Variants in MYO3B observed in about 807,000 individuals in gnomAD.
The protein encoded by MYO3B is myosin IIIB.
Under a neutral mutation model 174.6 loss-of-function variants are expected in MYO3B, and 156 were observed. That is an observed-to-expected ratio of 0.89 (90% CI 0.78 to 1.02). The LOEUF is 1.02. MYO3B is among the 50% of genes least tolerant of loss of function. MYO3B has a pLI of 0.00. For synonymous variants in MYO3B, 563 were observed against 569.1 expected (o/e 0.99, Z 0.15); for missense variants, 1,632 against 1,639.4 (o/e 1.00, Z 0.08).
intron 16 of MYO3B, among the ~76,000 whole-genome samples, chr2:170,399,050 A>T (rs2094457614): frequency 6.6e-6 from 1 of 151,914 alleles, no homozygotes; most frequent in African/African-American, 2.4e-5. Context: ...GTTTGAGACC[A>T]GCCTCAACAT....
At chr2:170,269,692 A>C (rs1041271682) in intron 7 of MYO3B, among the ~76,000 whole-genome samples, 4 of 152,224 alleles carry the variant, frequency 2.6e-5, no homozygotes, top group Non-Finnish European at 5.9e-5. Flanking sequence ...AAAACTAACC[A>C]AAAGTAGGGA....
chr2:170,641,004 C>T (rs1377236731), intron 32 of MYO3B: 1 of 152,152 alleles, frequency 6.6e-6, no homozygotes, highest in Non-Finnish European at 1.5e-5. Context: ...AAATATTCCC[C>T]TACAACATGC....
At chr2:170,291,327 A>G (rs934985143) in intron 7 of MYO3B, among the ~76,000 whole-genome samples, 4 of 151,778 alleles carry the variant, frequency 2.6e-5, no homozygotes, top group African/African-American at 9.7e-5. Context: ...CATCCCCCCC[A>G]AATTTTGACT....
chr2:170,290,052 A>G (rs554471065), intron 7 of MYO3B, among the ~76,000 whole-genome samples: 12 of 152,070 alleles, frequency 7.9e-5, no homozygotes, highest in Admixed American at 6.6e-4. Context: ...ATTGTGATCC[A>G]TTGTGATCAG....
chr2:170,444,653 C>T (rs915036789), intron 23 of MYO3B, among the ~76,000 whole-genome samples: 2 of 152,138 alleles, frequency 1.3e-5, no homozygotes, highest in African/African-American at 4.8e-5. Context: ...AAAGAATAAA[C>T]AATTTGGCCA....
intron 32 of MYO3B, among the ~76,000 whole-genome samples, chr2:170,605,986 G>C (rs1177479950): frequency 6.6e-6 from 1 of 152,064 alleles, no homozygotes; most frequent in African/African-American, 2.4e-5. Flanking sequence ...TTGACCTTCT[G>C]AATACATCTT....
chr2:170,291,812 T>C (rs1286435593), intron 7 of MYO3B, among the ~76,000 whole-genome samples: 1 of 151,962 alleles, frequency 6.6e-6, no homozygotes, highest in South Asian at 2.1e-4. Flanking sequence ...AAATTGGAGA[T>C]CCTTTATATC....
Position 170,654,645 on chromosome 2 carries a change from CT to C in MYO3B, c.*1525del, listed in dbSNP as rs1209047560. 1.3e-5 allele frequency: 1 copy of C among 76,884 alleles called. No individual in the cohort carries two copies. The highest frequency in any genetic ancestry group is 6.4e-5 in the African/African-American group (1 of 15,640). The allele number at this position is 76,884 out of a possible 1,614,324, so 4.8% of individuals were successfully genotyped here. On this transcript the variant is annotated 3_prime_UTR_variant, in exon 35 of 35. Coordinates refer to ENST00000408978, the MANE Select transcript of MYO3B (RefSeq NM_138995.5). ...CCTGGGCGACAGGGCAAGACTCTGT[CT>C]CAAAAAAAAAAAAAAAAAAAAAAAA...
chr2:170,551,425 C>T (rs1690898076), intron 32 of MYO3B, among the ~76,000 whole-genome samples: 2 of 144,968 alleles, frequency 1.4e-5, no homozygotes, highest in South Asian at 2.2e-4. Context: ...GGCTGGAGTG[C>T]AGTGGTGTGG....
chr2:170,219,396 C>A (rs2092866714), intron 6 of MYO3B, among the ~76,000 whole-genome samples: 1 of 152,174 alleles, frequency 6.6e-6, no homozygotes, highest in South Asian at 2.1e-4. Context: ...GTAATCCCAG[C>A]ACTTTGGGAG....
At chr2:170,618,567 G>C (rs955526700) in intron 32 of MYO3B, among the ~76,000 whole-genome samples, 1 of 152,114 alleles carries the variant, frequency 6.6e-6, no homozygotes, top group Non-Finnish European at 1.5e-5. Flanking sequence ...CAATGCAATG[G>C]GGCTCTCTCT....
chr2:170,318,566 G>A (rs1032109379), intron 7 of MYO3B, among the ~76,000 whole-genome samples: 12 of 152,122 alleles, frequency 7.9e-5, no homozygotes, highest in Non-Finnish European at 5.9e-5. Flanking sequence ...GATGTGAGTG[G>A]TCTCAAGCGA....
chr2:170,592,874 A>G (rs555052667), intron 32 of MYO3B, among the ~76,000 whole-genome samples: 9 of 152,178 alleles, frequency 5.9e-5, no homozygotes, highest in African/African-American at 1.9e-4. Flanking sequence ...ATACATATAG[A>G]TATATAGACA....
intron 32 of MYO3B, among the ~76,000 whole-genome samples, chr2:170,583,457 G>GT (rs916101868): frequency 4.6e-5 from 7 of 151,792 alleles, no homozygotes; most frequent in Admixed American, 3.3e-4. Context: ...TACGAGCTTG[G>GT]TTTTTTTTGA....
intron 22 of MYO3B, among the ~76,000 whole-genome samples, chr2:170,429,461 C>A (rs759839787): frequency 6.6e-6 from 1 of 152,176 alleles, no homozygotes; most frequent in African/African-American, 2.4e-5. Context: ...CTTAGCAAAG[C>A]CTTCTTCCCC....
intron 21 of MYO3B, among the ~76,000 whole-genome samples, chr2:170,405,956 A>C (rs907472184): frequency 1.2e-4 from 19 of 152,198 alleles, no homozygotes; most frequent in African/African-American, 4.3e-4. Context: ...TCACATTCTA[A>C]AGTCATTTGG....
chr2:170,596,478 C>T (rs997669304), intron 32 of MYO3B, among the ~76,000 whole-genome samples: 7 of 152,192 alleles, frequency 4.6e-5, no homozygotes, highest in African/African-American at 9.7e-5. Flanking sequence ...CAACGTAAAC[C>T]GTGCAGAACG....
At chr2:170,224,155 G>A (rs36022992) in intron 6 of MYO3B, among the ~76,000 whole-genome samples, 3,601 of 152,050 alleles carry the variant, frequency 0.024, 49 homozygotes, top group Middle Eastern at 0.031. Flanking sequence ...ACTTACTGAG[G>A]ACTGACTCTA....
At chr2:170,614,728 A>G (rs1695336193) in intron 32 of MYO3B, among the ~76,000 whole-genome samples, 1 of 152,138 alleles carries the variant, frequency 6.6e-6, no homozygotes, top group East Asian at 1.9e-4. Context: ...AAGGCTTTCT[A>G]TCAATCACAT....
Sources: gnomAD v4.1 joint callset for allele counts (sites outside exome capture counted in the v4.1 genomes callset) on GRCh38, gnomAD v4.1.1 for gene constraint, MANE v1.5 for transcripts, NCBI Gene and HGNC (gene_info 2026-07-23, HGNC 2026-07-21) for gene names.